The following PALM2AKAP2 variants were observed in gnomAD, a reference collection of about 807,000 sequenced individuals.
The protein encoded by PALM2AKAP2 is PALM2-AKAP2 fusion protein.
In PALM2AKAP2, 37 loss-of-function variants were observed where a neutral mutation model predicts 71.5. The ratio of observed to expected loss-of-function variants is 0.52; its 90% CI spans 0.40 to 0.68. The LOEUF (loss-of-function observed/expected upper bound fraction) is 0.68, where lower values mean the gene tolerates loss of function less well. Among genes scored for constraint, PALM2AKAP2 ranks in the 30% least tolerant of loss-of-function variants. The pLI is 0.00. For missense variants in PALM2AKAP2, 1,224 were observed against 1,191.8 expected (o/e 1.03, Z -0.40); for synonymous variants, 468 against 478.8 (o/e 0.98, Z 0.29).
In PALM2AKAP2 at chr9:110,095,453, T is replaced by C. The variant is rs77919404; in HGVS notation, c.157-40674T>C. On this transcript the variant is annotated intron_variant, in intron 1 of 3. Coordinates refer to ENST00000374525, the Ensembl canonical transcript of PALM2AKAP2. The stretch of plus-strand genomic sequence containing the variant: ...GCCCGCCTTCAACTTGAGCTGCTTG[T>C]GTTTTGGTTGGTGGTAATGCCTTAG... Among the ~76,000 whole-genome samples, 863 of 152,210 alleles carry C rather than the reference T, an allele frequency of 5.7e-3. 8 individuals are homozygous for C. The highest frequency in any genetic ancestry group is 0.02 in the African/African-American group (830 of 41,538).
At chr9:110,018,262 A>G (rs554151717) in intron 7 of PALM2AKAP2, among the ~76,000 whole-genome samples, 38 of 152,298 alleles carry the variant, frequency 2.5e-4, no homozygotes, top group African/African-American at 8.7e-4. Flanking sequence ...TTTTTCATCC[A>G]TAAGAACTGA....
At chr9:110,139,319 C>T (rs543313142) in intron 2 of PALM2AKAP2, among the ~76,000 whole-genome samples, 3 of 152,026 alleles carry the variant, frequency 2.0e-5, no homozygotes, top group Admixed American at 2.0e-4. Context: ...TTTTTATTTT[C>T]CATGTGAATG....
Position 110,079,918 on chromosome 9 carries a change from A to G in PALM2AKAP2, c.156+31063A>G, listed in dbSNP as rs146438025. On this transcript the variant is annotated intron_variant, in intron 1 of 3. Transcript: ENST00000374525. ...AACCTCGTCTCTACTGAAAATACAA[A>G]AATTTGCTGGGCGTGGTGGCAGGAT... Among the ~76,000 whole-genome samples the G allele has an allele frequency of 6.2e-3, 942 of 151,918 alleles. 10 individuals are homozygous for G. The highest frequency in any genetic ancestry group is 0.021 in the African/African-American group (870 of 41,390).
At chr9:110,076,979 G>T (rs762121841) in intron 1 of PALM2AKAP2, among the ~76,000 whole-genome samples, 3 of 152,202 alleles carry the variant, frequency 2.0e-5, no homozygotes, top group Non-Finnish European at 2.9e-5. Context: ...CACCCCTGTG[G>T]TAGGCCCAGG....
At chr9:109,870,173 T>C (rs1286816694) in intron 2 of PALM2AKAP2, among the ~76,000 whole-genome samples, 1 of 152,208 alleles carries the variant, frequency 6.6e-6, no homozygotes, top group Admixed American at 6.5e-5. Flanking sequence ...CTCAGGACCT[T>C]GCCTCTCTTT....
chr9:109,838,982 C>T (rs1828570994), intron 1 of PALM2AKAP2, among the ~76,000 whole-genome samples: 1 of 152,222 alleles, frequency 6.6e-6, no homozygotes, highest in Non-Finnish European at 1.5e-5. Flanking sequence ...ACCATTCCTT[C>T]TGAAACGATT....
intron 1 of PALM2AKAP2, among the ~76,000 whole-genome samples, chr9:110,066,120 C>T (rs1834074179): frequency 6.6e-6 from 1 of 152,180 alleles, no homozygotes; most frequent in Non-Finnish European, 1.5e-5. Context: ...AAAAGTAAAT[C>T]ATGGTGCAAA....
intron 3 of PALM2AKAP2, among the ~76,000 whole-genome samples, chr9:109,898,393 C>G (rs1247621628): frequency 6.6e-6 from 1 of 152,202 alleles, no homozygotes; most frequent in Non-Finnish European, 1.5e-5. Context: ...CAAAAGACCT[C>G]TCTCAGACAT....
chr9:110,054,647 A>G (rs1378581742), intron 1 of PALM2AKAP2, among the ~76,000 whole-genome samples: 1 of 152,086 alleles, frequency 6.6e-6, no homozygotes, highest in Non-Finnish European at 1.5e-5. Flanking sequence ...ATCATAGCTC[A>G]CTGCAGTCTC....
chr9:109,932,100 A>G, intron 6 of PALM2AKAP2, 72 bp downstream of exon 6: 8 of 1,451,426 alleles, frequency 5.5e-6, no homozygotes, highest in Non-Finnish European at 7.5e-6. Flanking sequence ...TATTAATGAG[A>G]TGAGTGCCCT....
intron 1 of PALM2AKAP2, among the ~76,000 whole-genome samples, chr9:109,655,667 T>A (rs532220824): frequency 6.6e-6 from 1 of 152,090 alleles, no homozygotes; most frequent in African/African-American, 2.4e-5. Flanking sequence ...AGGTGCCCCA[T>A]ATATGTAGAA....
chr9:109,809,865 T>A (rs1235922464), intron 1 of PALM2AKAP2, among the ~76,000 whole-genome samples: 1 of 152,194 alleles, frequency 6.6e-6, no homozygotes, highest in East Asian at 1.9e-4. Flanking sequence ...AAGGGGCTTG[T>A]CCTCTTTTTG....
intron 6 of PALM2AKAP2, among the ~76,000 whole-genome samples, chr9:109,978,188 G>C (rs2132181748): frequency 6.6e-6 from 1 of 152,198 alleles, no homozygotes; most frequent in East Asian, 1.9e-4. Flanking sequence ...TGGAGAGAGG[G>C]GAGAAGGAAA....
At chr9:109,663,710 T>C (rs537713014) in intron 1 of PALM2AKAP2, among the ~76,000 whole-genome samples, 73 of 152,150 alleles carry the variant, frequency 4.8e-4, no homozygotes, top group Non-Finnish European at 9.1e-4. Context: ...GGTCTGCTTG[T>C]TGCAGAGCTG....
At chr9:109,999,024 G>A (rs1276044968) in intron 6 of PALM2AKAP2, among the ~76,000 whole-genome samples, 1 of 151,962 alleles carries the variant, frequency 6.6e-6, no homozygotes, top group Non-Finnish European at 1.5e-5. Context: ...ACAGCAGGGA[G>A]GACAGTCCCT....
upstream of PALM2AKAP2, among the ~76,000 whole-genome samples, chr9:110,047,819 G>C (rs1326719153): frequency 6.6e-6 from 1 of 152,142 alleles, no homozygotes; most frequent in Admixed American, 6.6e-5. Context: ...ATTTCTAGAC[G>C]GTTCATTTTC....
At chr9:110,014,804 ATGT>A (rs1394016660) in intron 6 of PALM2AKAP2, among the ~76,000 whole-genome samples, 84 of 4,264 alleles carry the variant, frequency 0.02, 8 homozygotes, top group East Asian at 0.038. Context: ...AAAAAAAAAA[ATGT>A]ATATATATAT....
chr9:110,136,350 T>A, exon 2 of PALM2AKAP2: 1 of 1,614,198 alleles, frequency 6.2e-7, no homozygotes, highest in Non-Finnish European at 8.5e-7. Flanking sequence ...AATGGCCTCC[T>A]TACTGATCAC....
chr9:109,964,235 C>T (rs186636488), intron 6 of PALM2AKAP2, among the ~76,000 whole-genome samples: 217 of 152,366 alleles, frequency 1.4e-3, no homozygotes, highest in Middle Eastern at 6.8e-3. Context: ...CATTGTCTTA[C>T]ACCAGAGCTG....
Sources: gnomAD v4.1 joint callset for allele counts (sites outside exome capture counted in the v4.1 genomes callset) on GRCh38, gnomAD v4.1.1 for gene constraint, MANE v1.5 for transcripts, NCBI Gene and HGNC (gene_info 2026-07-23, HGNC 2026-07-21) for gene names.